The following HNRNPM variants were observed in gnomAD, a reference collection of about 807,000 sequenced individuals.
The protein encoded by HNRNPM is heterogeneous nuclear ribonucleoprotein M.
Under a neutral mutation model 73.1 loss-of-function variants are expected in HNRNPM, and 11 were observed. The ratio of observed to expected loss-of-function variants is 0.15; its 90% confidence interval spans 0.09 to 0.25. The LOEUF is 0.25. HNRNPM is among the 10% of genes least tolerant of loss of function. The pLI is 1.00. For missense variants in HNRNPM, 789 were observed against 1,067.9 expected, an observed-to-expected ratio of 0.74 and a Z score of 3.64; for synonymous variants, 407 against 355.2, an observed-to-expected ratio of 1.15 and a Z score of -1.64.
At chr19:8,471,828 C>G (rs894726281) in intron 10 of HNRNPM, among the ~76,000 whole-genome samples, 3 of 152,122 alleles carry the variant, frequency 2.0e-5, no homozygotes, top group Non-Finnish European at 4.4e-5. Context: ...TTGGGCCCTC[C>G]TGGTGTTTGC....
At chr19:8,454,747 G>T (rs1169276405) in intron 1 of HNRNPM, among the ~76,000 whole-genome samples, 12 of 138,638 alleles carry the variant, frequency 8.7e-5, no homozygotes, top group Non-Finnish European at 1.8e-4. Flanking sequence ...GGGCCTATGT[G>T]TACTACCTCA....
intron 7 of HNRNPM, among the ~76,000 whole-genome samples, chr19:8,466,774 C>T (rs557019668): frequency 1.2e-4 from 15 of 125,206 alleles, no homozygotes; most frequent in South Asian, 2.8e-4. Flanking sequence ...TGCAGTGAGC[C>T]GAGATTGCGC....
chr19:8,480,910 T>C (rs754001075), intron 12 of HNRNPM, among the ~76,000 whole-genome samples: 1 of 152,100 alleles, frequency 6.6e-6, no homozygotes, highest in Non-Finnish European at 1.5e-5. Flanking sequence ...TTCTTTCTGA[T>C]TGGGACTGTG....
chr19:8,471,456 G>T, intron 10 of HNRNPM, 29 bp downstream of exon 10: 1 of 1,388,050 alleles, frequency 7.2e-7, no homozygotes, highest in South Asian at 1.3e-5. Context: ...CTTGCTTGGT[G>T]GTTTGGGGAA....
chr19:8,453,480 A>G (rs544450151), intron 1 of HNRNPM, among the ~76,000 whole-genome samples: 1 of 152,326 alleles, frequency 6.6e-6, no homozygotes, highest in South Asian at 2.1e-4. Flanking sequence ...TTCTCCAGCT[A>G]CTATCTGGTG....
Position 8,457,737 on chromosome 19 carries a change from C to T in HNRNPM, c.283+2163C>T, listed in dbSNP as rs923050026. Reference sequence around the variant, plus strand: ...TTCTTATTACGTGCTTTCAAAAAGACGTTTTTATTCCCGTTTTGGTGTACA... The same window carrying T: ...TTCTTATTACGTGCTTTCAAAAAGATGTTTTTATTCCCGTTTTGGTGTACA... On this transcript the variant is annotated intron_variant, in intron 2 of 15. Transcript: ENST00000325495. Among the ~76,000 whole-genome samples, 11 of 152,238 alleles carry T rather than the reference C, an allele frequency of 7.2e-5. 1 individual carries two copies. Among genetic ancestry groups the T allele is most frequent in the South Asian group, 6.2e-4 (3 of 4,820 alleles).
chr19:8,447,500 G>A (rs916186857), intron 1 of HNRNPM, among the ~76,000 whole-genome samples: 1 of 152,168 alleles, frequency 6.6e-6, no homozygotes, highest in Non-Finnish European at 1.5e-5. Context: ...ATGACAGGAA[G>A]ACGTGTGGAA....
In HNRNPM at chr19:8,455,467, A is replaced by G. The variant is rs369276331; in HGVS notation, c.176A>G (p.Asn59Ser). 148 of 1,613,958 alleles carry G rather than the reference A, an allele frequency of 9.2e-5. No individual in the cohort carries two copies. The highest frequency in any genetic ancestry group is 2.0e-4 in the East Asian group (9 of 44,880). Residue 59 changes from asparagine to serine, a missense_variant, in exon 2 of 16, where the codon AAT becomes AGT. Asn to Ser is a conservative substitution (Grantham distance 46). Transcript: ENST00000325495. ...GAGAAAAACATAAAAAGAGGAGGCA[A>G]TCGCTTTGAGCCATATGCCAATCCA... ...RKEKNIKRGG[N>S]RFEPYANPTK... is the part of the protein sequence containing the mutation.
chr19:8,455,693 G>GCTTCACT, intron 2 of HNRNPM, 119 bp downstream of exon 2: 3 of 689,438 alleles, frequency 4.4e-6, no homozygotes, highest in Non-Finnish European at 7.2e-6. Context: ...TTCTTTCCAG[G>GCTTCACT]CTTAAGAGTG....
intron 2 of HNRNPM, among the ~76,000 whole-genome samples, chr19:8,456,837 C>G (rs1217505454): frequency 6.6e-6 from 1 of 152,150 alleles, no homozygotes; most frequent in Non-Finnish European, 1.5e-5. Context: ...GATGTGCCTG[C>G]CTTGATCAGC....
chr19:8,480,066 C>A (rs1354857944), intron 12 of HNRNPM, among the ~76,000 whole-genome samples: 1 of 142,330 alleles, frequency 7.0e-6, no homozygotes, highest in East Asian at 2.2e-4. Flanking sequence ...AGCCACCGCA[C>A]CCGGCCAAAG....
chr19:8,451,590 T>G (rs1401550253), intron 1 of HNRNPM, among the ~76,000 whole-genome samples: 1 of 151,868 alleles, frequency 6.6e-6, no homozygotes, highest in Admixed American at 6.6e-5. Flanking sequence ...CCGGCTGGAG[T>G]GTAGTGGTGC....
At chr19:8,463,531 T>A in intron 4 of HNRNPM, 27 bp downstream of exon 4, 1 of 1,613,798 alleles carries the variant, frequency 6.2e-7, no homozygotes, top group East Asian at 2.2e-5. Context: ...TACTTATTGG[T>A]ATTTGAGCCT....
Position 8,454,164 on chromosome 19 carries a change from A to G in HNRNPM, c.114-1241A>G, listed in dbSNP as rs10407487. On this transcript the variant is annotated intron_variant, in intron 1 of 15. Transcript: ENST00000325495. ...CAGTGAAGTATGATGTTTTGCAGCA[A>G]TCTGCACATTCCTGGAACTTTTATT... is the stretch of plus-strand genomic sequence containing the variant. Among the ~76,000 whole-genome samples the G allele has an allele frequency of 5.0e-3, 754 of 152,318 alleles. 4 individuals are homozygous for G. Among genetic ancestry groups the G allele is most frequent in the African/African-American group, 0.017 (715 of 41,566 alleles).
At chr19:8,455,642 G>A in intron 2 of HNRNPM, 68 bp downstream of exon 2, 1 of 1,360,482 alleles carries the variant, frequency 7.4e-7, no homozygotes, top group Non-Finnish European at 1.0e-6. Context: ...CTAATTCCTT[G>A]GTTATTTTTG....
At chr19:8,449,984 TCA>T (rs1444155798) in intron 1 of HNRNPM, among the ~76,000 whole-genome samples, 2 of 152,194 alleles carry the variant, frequency 1.3e-5, no homozygotes, top group African/African-American at 2.4e-5. Context: ...TTGTTGATTG[TCA>T]CAGTGTCCCT....
chr19:8,469,793 G>C (rs1180420635), intron 9 of HNRNPM, among the ~76,000 whole-genome samples: 1 of 152,204 alleles, frequency 6.6e-6, no homozygotes, highest in Non-Finnish European at 1.5e-5. Flanking sequence ...GGCGGGTTGA[G>C]GGGGCCTGGT....
chr19:8,474,051 C>G, intron 11 of HNRNPM, 116 bp from the exon 12 acceptor site: 2 of 761,908 alleles, frequency 2.6e-6, no homozygotes, highest in Non-Finnish European at 4.2e-6. Flanking sequence ...AGCCTTTAAA[C>G]TTGGTAAGTT....
intron 1 of HNRNPM, among the ~76,000 whole-genome samples, chr19:8,449,163 T>A (rs968511933): frequency 2.0e-5 from 3 of 152,238 alleles, no homozygotes; most frequent in Non-Finnish European, 4.4e-5. Context: ...AGCTCAAGAT[T>A]AGAAGACAGG....
Sources: allele counts gnomAD v4.1 joint callset (sites outside exome capture counted in the v4.1 genomes callset), GRCh38; gene constraint gnomAD v4.1.1; transcripts MANE v1.5; gene names NCBI Gene and HGNC (gene_info 2026-07-23, HGNC 2026-07-21).